Variants in RBFOX1 observed in about 807,000 individuals in gnomAD.
RBFOX1 encodes the protein RNA binding fox-1 homolog 1.
RBFOX1 carries 8 observed loss-of-function variants against 57.7 expected under a neutral mutation model. The observed-to-expected ratio is 0.14, with a 90% confidence interval of 0.08 to 0.25. RBFOX1 has a LOEUF of 0.25. Ranked by LOEUF, RBFOX1 falls within the 10% of genes least tolerant of loss-of-function variation. The pLI is 1.00. For missense variants in RBFOX1, 611 were observed against 548.5 expected (o/e 1.11, Z -1.14); for synonymous variants, 326 against 222.4 (o/e 1.47, Z -4.15).
At chr16:5,537,481 A>C (rs920532326) in intron 2 of RBFOX1, among the ~76,000 whole-genome samples, 2 of 152,212 alleles carry the variant, frequency 1.3e-5, no homozygotes, top group African/African-American at 4.8e-5. Flanking sequence ...GTTGAAGTCA[A>C]GGTGTTGGCA....
At chr16:6,525,721 G>A (rs763720620) in intron 2 of RBFOX1, among the ~76,000 whole-genome samples, 1 of 152,010 alleles carries the variant, frequency 6.6e-6, no homozygotes, top group South Asian at 2.1e-4. Context: ...CTTTTAGGTG[G>A]TGGAAAGGAG....
At chr16:6,078,992 T>C (rs535200898) in intron 1 of RBFOX1, among the ~76,000 whole-genome samples, 2 of 152,308 alleles carry the variant, frequency 1.3e-5, no homozygotes, top group South Asian at 2.1e-4. Flanking sequence ...TTGTAGTGTA[T>C]ATTTAATGAA....
intron 11 of RBFOX1, among the ~76,000 whole-genome samples, chr16:7,637,791 G>C (rs540725921): frequency 6.6e-6 from 1 of 152,014 alleles, no homozygotes; most frequent in African/African-American, 2.4e-5. Context: ...AACTAGCTCC[G>C]GGACTAGGGT....
intron 2 of RBFOX1, among the ~76,000 whole-genome samples, chr16:6,616,816 A>G (rs1051603492): frequency 2.0e-5 from 3 of 152,232 alleles, no homozygotes; most frequent in Admixed American, 6.5e-5. Flanking sequence ...TAATGCTGCC[A>G]TAATCTAACA....
At chr16:6,424,850 T>C (rs2093880405) in intron 2 of RBFOX1, among the ~76,000 whole-genome samples, 1 of 152,186 alleles carries the variant, frequency 6.6e-6, no homozygotes, top group African/African-American at 2.4e-5. Context: ...CCTGAGATGC[T>C]ATTAAATGGA....
intron 3 of RBFOX1, among the ~76,000 whole-genome samples, chr16:6,712,894 T>G (rs1040857214): frequency 5.6e-5 from 7 of 124,872 alleles, no homozygotes; most frequent in African/African-American, 1.0e-4. Context: ...TTTTTTTTTT[T>G]TTTTTTTTTT....
intron 4 of RBFOX1, among the ~76,000 whole-genome samples, chr16:7,296,981 A>T (rs1000364215): frequency 2.6e-5 from 4 of 152,326 alleles, no homozygotes; most frequent in East Asian, 1.9e-4. Context: ...AGTGGCTTAC[A>T]GCAGAACCTC....
At chr16:5,470,620 A>G (rs926534112) in intron 2 of RBFOX1, among the ~76,000 whole-genome samples, 3 of 152,092 alleles carry the variant, frequency 2.0e-5, no homozygotes, top group East Asian at 1.9e-4. Flanking sequence ...GCCTAAATCC[A>G]TGCAGCATCT....
chr16:6,639,201 C>T (rs2098467365), intron 2 of RBFOX1, among the ~76,000 whole-genome samples: 1 of 152,176 alleles, frequency 6.6e-6, no homozygotes, highest in Admixed American at 6.5e-5. Context: ...CTGTGCTGCG[C>T]CTTCTTTAAT....
intron 1 of RBFOX1, among the ~76,000 whole-genome samples, chr16:6,052,662 T>A (rs993268889): frequency 4.0e-5 from 6 of 151,752 alleles, no homozygotes; most frequent in African/African-American, 7.3e-5. Context: ...CGGGCGCCTG[T>A]AGTCCCAGCT....
chr16:7,705,892 A>C (rs1233710386), intron 14 of RBFOX1, among the ~76,000 whole-genome samples: 1 of 152,236 alleles, frequency 6.6e-6, no homozygotes, highest in Non-Finnish European at 1.5e-5. Context: ...GGAAGTGGGC[A>C]CATGGAGATC....
chr16:7,315,463 C>CT (rs199880111), intron 4 of RBFOX1, among the ~76,000 whole-genome samples: 1 of 151,680 alleles, frequency 6.6e-6, no homozygotes, highest in Non-Finnish European at 1.5e-5. Flanking sequence ...CCTACCCCCC[C>CT]CCCCATACTG....
At chr16:7,475,660 A>G (rs115885337) in intron 4 of RBFOX1, among the ~76,000 whole-genome samples, 338 of 152,228 alleles carry the variant, frequency 2.2e-3, no homozygotes, top group African/African-American at 7.6e-3. Flanking sequence ...TGTTTCTGGC[A>G]TCCAAGCTCT....
chr16:5,862,281 G>A (rs976199816), intron 3 of RBFOX1, among the ~76,000 whole-genome samples: 1 of 152,340 alleles, frequency 6.6e-6, no homozygotes, highest in Middle Eastern at 3.4e-3. Context: ...AAGTTAAGAT[G>A]CACTGACGTC....
At chr16:7,598,586 C>A (rs952291492) in intron 9 of RBFOX1, among the ~76,000 whole-genome samples, 1 of 152,102 alleles carries the variant, frequency 6.6e-6, no homozygotes, top group East Asian at 1.9e-4. Flanking sequence ...CTACCTCCCC[C>A]CTCACAGGAA....
intron 4 of RBFOX1, among the ~76,000 whole-genome samples, chr16:7,361,761 G>C (rs527402561): frequency 6.6e-6 from 1 of 152,274 alleles, no homozygotes; most frequent in East Asian, 1.9e-4. Context: ...ACTCGAGGCT[G>C]CATCAAGGGG....
chr16:5,303,099 A>G (rs2063844675), intron 1 of RBFOX1, among the ~76,000 whole-genome samples: 1 of 152,202 alleles, frequency 6.6e-6, no homozygotes, highest in Non-Finnish European at 1.5e-5. Flanking sequence ...TTGATAAAGA[A>G]AACTTCAAGC....
intron 1 of RBFOX1, among the ~76,000 whole-genome samples, chr16:6,226,857 C>G (rs1598552475): frequency 6.6e-6 from 1 of 151,182 alleles, no homozygotes; most frequent in East Asian, 2.0e-4. Flanking sequence ...CACCTGTAAT[C>G]TCAGCAGTTT....
intron 3 of RBFOX1, among the ~76,000 whole-genome samples, chr16:7,047,047 CTTTT>C (rs57082046): frequency 1.6e-5 from 2 of 124,444 alleles, no homozygotes; most frequent in Non-Finnish European, 1.7e-5. Flanking sequence ...ATGCAATTTC[CTTTT>C]TTTTTTTTTT....
Sources: allele counts gnomAD v4.1 joint callset (sites outside exome capture counted in the v4.1 genomes callset), GRCh38; gene constraint gnomAD v4.1.1; transcripts MANE v1.5; gene names NCBI Gene and HGNC (gene_info 2026-07-23, HGNC 2026-07-21).